The following CADPS2 variants were observed in gnomAD, a reference collection of about 807,000 sequenced individuals.
CADPS2 encodes the protein calcium dependent secretion activator 2, also known as calcium-dependent secretion activator 2.
CADPS2 carries 93 observed loss-of-function variants against 172.5 expected under a neutral mutation model. That is an observed-to-expected ratio of 0.54 (90% CI 0.46 to 0.64). The LOEUF (loss-of-function observed/expected upper bound fraction) is 0.64, where lower values mean the gene tolerates loss of function less well. Ranked by LOEUF, CADPS2 falls within the 30% of genes least tolerant of loss-of-function variation. The pLI is 0.00. For synonymous variants in CADPS2, 546 were observed against 555.2 expected, an observed-to-expected ratio of 0.98 and a Z score of 0.23; for missense variants, 1,420 against 1,565.9, an observed-to-expected ratio of 0.91 and a Z score of 1.57.
chr7:122,475,262 G>A (rs1180236924), intron 12 of CADPS2, among the ~76,000 whole-genome samples: 1 of 152,152 alleles, frequency 6.6e-6, no homozygotes, highest in Non-Finnish European at 1.5e-5. Flanking sequence ...ACTAAGTATA[G>A]AGAGAAAAAG....
intron 1 of CADPS2, among the ~76,000 whole-genome samples, chr7:122,881,618 T>A (rs1273764073): frequency 6.6e-6 from 1 of 152,036 alleles, no homozygotes; most frequent in Non-Finnish European, 1.5e-5. Context: ...AATCACCCTA[T>A]CTCCCTAAGA....
chr7:122,438,505 G>T (rs761813200), intron 16 of CADPS2, 41 bp from the exon 17 acceptor site: 12 of 1,603,530 alleles, frequency 7.5e-6, no homozygotes, highest in Non-Finnish European at 9.4e-6. Context: ...GCAGGGTTGG[G>T]GATAGACAGA....
chr7:122,599,758 T>C (rs1171712643), intron 6 of CADPS2, among the ~76,000 whole-genome samples: 3 of 152,070 alleles, frequency 2.0e-5, no homozygotes, highest in African/African-American at 7.2e-5. Context: ...AAAGTGTATT[T>C]CAGATAGACA....
intron 2 of CADPS2, 83 bp downstream of exon 2, chr7:122,736,872 C>A: frequency 1.4e-6 from 1 of 715,738 alleles, no homozygotes; most frequent in Non-Finnish European, 2.4e-6. Context: ...CAGCAAGCTT[C>A]TTTAAAATGA....
At chr7:122,768,440 G>A (rs1407650735) in intron 1 of CADPS2, among the ~76,000 whole-genome samples, 1 of 151,962 alleles carries the variant, frequency 6.6e-6, no homozygotes, top group African/African-American at 2.4e-5. Flanking sequence ...ATTAAATATG[G>A]GAGGCAAATA....
intron 1 of CADPS2, among the ~76,000 whole-genome samples, chr7:122,838,108 T>C (rs1412948097): frequency 1.3e-5 from 2 of 152,204 alleles, no homozygotes; most frequent in Non-Finnish European, 1.5e-5. Context: ...ATCCCTGGGA[T>C]GCAAGGCTGG....
At chr7:122,623,047 A>G (rs2134026531) in intron 4 of CADPS2, among the ~76,000 whole-genome samples, 1 of 152,324 alleles carries the variant, frequency 6.6e-6, no homozygotes, top group East Asian at 1.9e-4. Context: ...ACATATAATC[A>G]AAATTAAAAT....
chr7:122,331,522 C>T (rs2034944546), intron 28 of CADPS2, among the ~76,000 whole-genome samples: 2 of 152,054 alleles, frequency 1.3e-5, no homozygotes, highest in South Asian at 2.1e-4. Context: ...GCCTGTAATC[C>T]CAGCTACTTG....
intron 17 of CADPS2, among the ~76,000 whole-genome samples, chr7:122,421,844 G>A (rs1193524558): frequency 4.6e-5 from 7 of 152,174 alleles, no homozygotes; most frequent in Non-Finnish European, 8.8e-5. Context: ...TTAAATTGCT[G>A]TGTATATCAT....
intron 22 of CADPS2, 140 bp downstream of exon 22, chr7:122,393,056 A>T: frequency 3.0e-6 from 3 of 1,014,628 alleles, no homozygotes; most frequent in Non-Finnish European, 4.1e-6. Context: ...ACTAGCTTAA[A>T]AACTCAAATA....
intron 27 of CADPS2, among the ~76,000 whole-genome samples, chr7:122,356,134 T>C (rs1021312868): frequency 2.0e-5 from 3 of 152,178 alleles, no homozygotes; most frequent in Admixed American, 6.5e-5. Flanking sequence ...CAATATCCTT[T>C]TTCTCTTCCA....
At chr7:122,678,615 T>A in intron 2 of CADPS2, among the ~76,000 whole-genome samples, 1 of 152,110 alleles carries the variant, frequency 6.6e-6, no homozygotes, top group Non-Finnish European at 1.5e-5. Context: ...ATAGGATGGG[T>A]TGCACCACTA....
At chr7:122,346,210 T>A (rs75711061) in intron 27 of CADPS2, among the ~76,000 whole-genome samples, 7 of 150,330 alleles carry the variant, frequency 4.7e-5, no homozygotes, top group African/African-American at 1.7e-4. Flanking sequence ...CTACAAAAAA[T>A]AAAAAAAAAT....
intron 14 of CADPS2, among the ~76,000 whole-genome samples, chr7:122,452,853 TTTTA>T (rs2053299670): frequency 1.3e-5 from 2 of 152,262 alleles, no homozygotes; most frequent in Admixed American, 6.5e-5. Flanking sequence ...CTAACAAGAT[TTTTA>T]TTTGTTCCTC....
intron 1 of CADPS2, among the ~76,000 whole-genome samples, chr7:122,865,285 G>A (rs1563204415): frequency 6.6e-6 from 1 of 152,150 alleles, no homozygotes; most frequent in Non-Finnish European, 1.5e-5. Context: ...TTCTTGTATG[G>A]TCTGCAGAAT....
intron 3 of CADPS2, among the ~76,000 whole-genome samples, chr7:122,632,103 C>T (rs2076631319): frequency 6.6e-6 from 1 of 152,076 alleles, no homozygotes; most frequent in African/African-American, 2.4e-5. Context: ...TCCAACCCAC[C>T]ATTAATGGGC....
intron 29 of CADPS2, among the ~76,000 whole-genome samples, chr7:122,325,235 G>A (rs549771722): frequency 2.0e-5 from 3 of 152,010 alleles, no homozygotes; most frequent in East Asian, 3.9e-4. Flanking sequence ...AACTGTGCTG[G>A]GGCTTTATGT....
At chr7:122,660,053 A>G (rs373849392) in intron 3 of CADPS2, among the ~76,000 whole-genome samples, 25 of 152,352 alleles carry the variant, frequency 1.6e-4, no homozygotes, top group Middle Eastern at 3.4e-3. Flanking sequence ...TTGAATCTAC[A>G]TAAAGAAATG....
At chr7:122,710,482 A>G (rs1408176353) in intron 2 of CADPS2, among the ~76,000 whole-genome samples, 1 of 152,056 alleles carries the variant, frequency 6.6e-6, no homozygotes, top group East Asian at 1.9e-4. Context: ...AGCCACATTG[A>G]GCCTCAGCTT....
Sources: allele counts gnomAD v4.1 joint callset (sites outside exome capture counted in the v4.1 genomes callset), GRCh38; gene constraint gnomAD v4.1.1; transcripts MANE v1.5; gene names NCBI Gene and HGNC (gene_info 2026-07-23, HGNC 2026-07-21).